DMD: variants seen among roughly 807,000 people sequenced by gnomAD.
DMD encodes mutant dystrophin.
Under a neutral mutation model 330.1 loss-of-function variants are expected in DMD, and 63 were observed. The observed-to-expected ratio is 0.19, with a 90% CI of 0.16 to 0.24. The LOEUF (loss-of-function observed/expected upper bound fraction) is 0.24, where lower values mean the gene tolerates loss of function less well. Ranked by LOEUF, DMD falls within the 10% of genes least tolerant of loss-of-function variation. DMD has a pLI of 1.00. For missense variants in DMD, 3,344 were observed against 2,684.1 expected (o/e 1.25, Z -5.43); for synonymous variants, 1,223 against 959.8 (o/e 1.27, Z -5.07).
chrX:32,588,413 A>C (rs1454351100), intron 13 of DMD, among the ~76,000 whole-genome samples: 1 of 111,995 alleles, frequency 8.9e-6, no homozygotes, highest in Admixed American at 9.5e-5. Context: ...TCGTCTGTTT[A>C]AACCCGGTGG....
At position 32,388,341 on chromosome X, in the gene DMD, CT is replaced by C. The variant is rs3044988; in HGVS notation, c.4518+1159del. Reference sequence around the variant, plus strand: ...AGGCACTTGGGTCATTTATGCTTTCCTTTTTTTTTTTTTTGGCAAAATTTAA... The same window carrying C: ...AGGCACTTGGGTCATTTATGCTTTCCTTTTTTTTTTTTTGGCAAAATTTAA... On this transcript the variant is annotated intron_variant, in intron 32 of 78. Transcript: ENST00000357033. Among the ~76,000 whole-genome samples the C allele has an allele frequency of 7.1e-3, 561 of 78,535 alleles. 17 individuals carry two copies. Among genetic ancestry groups the C allele is most frequent in the African/African-American group, 0.028 (490 of 17,561 alleles). The allele number at this position is 78,535 out of a possible 115,157, so 68.2% of individuals were successfully genotyped here.
intron 52 of DMD, among the ~76,000 whole-genome samples, chrX:31,706,645 G>T (rs1036359927): frequency 9.0e-6 from 1 of 111,531 alleles, no homozygotes; most frequent in Admixed American, 9.6e-5. Context: ...TAGTGCCAAT[G>T]GAAAATTCCA....
intron 11 of DMD, among the ~76,000 whole-genome samples, chrX:32,633,108 C>T (rs1010967384): frequency 8.9e-6 from 1 of 112,264 alleles, no homozygotes; most frequent in African/African-American, 3.2e-5. Flanking sequence ...GCACATGTAT[C>T]TCAGAACTTA....
At chrX:31,569,652 A>ATATACACGTATATACGTGTATATACG (rs1556698908) in intron 55 of DMD, among the ~76,000 whole-genome samples, 4 of 93,206 alleles carry the variant, frequency 4.3e-5, no homozygotes, top group Admixed American at 1.2e-4. Flanking sequence ...GTATATACGT[A>ATATACACGTATATACGTGTATATACG]TATATACGTA....
intron 2 of DMD, among the ~76,000 whole-genome samples, chrX:32,975,611 G>A (rs373806032): frequency 9.0e-6 from 1 of 110,683 alleles, no homozygotes; most frequent in Non-Finnish European, 1.9e-5. Context: ...CTGAGAGGAC[G>A]ACAGCTAGGG....
chrX:32,220,865 T>C (rs776353824), intron 43 of DMD, among the ~76,000 whole-genome samples: 12 of 111,128 alleles, frequency 1.1e-4, no homozygotes, highest in African/African-American at 3.9e-4. Flanking sequence ...AAAGTTTTTT[T>C]TCTTGGCAGT....
chrX:31,686,068 G>A, intron 52 of DMD, among the ~76,000 whole-genome samples: 1 of 111,849 alleles, frequency 8.9e-6, no homozygotes, highest in Non-Finnish European at 1.9e-5. Context: ...ATTGTTTAAA[G>A]GTCTGTTTCT....
At position 33,056,954 on chromosome X, in the gene DMD, T is replaced by C. The variant is rs1045270693; in HGVS notation, c.32-36754A>G. Among the ~76,000 whole-genome samples, 8 of 111,545 alleles carry C rather than the reference T, an allele frequency of 7.2e-5. 1 individual carries two copies. In the Middle Eastern group the frequency reaches 0.014, roughly 195 times the overall value. ...ATTTCTTCTTTCTCGTTCTCTGTTA[T>C]GAAAAAGCAAGCTCATGGCCCACGG... On this transcript the variant is annotated intron_variant, in intron 1 of 78. Transcript: ENST00000357033.
intron 47 of DMD, among the ~76,000 whole-genome samples, chrX:31,926,693 A>T (rs746405705): frequency 2.8e-4 from 31 of 111,549 alleles, no homozygotes; most frequent in East Asian, 2.0e-3. Context: ...AAATAAAAAA[A>T]AAAATAAAAT....
At chrX:33,230,980 C>G (rs757899068) in intron 1 of DMD, among the ~76,000 whole-genome samples, 1 of 109,855 alleles carries the variant, frequency 9.1e-6, no homozygotes, top group Non-Finnish European at 1.9e-5. Context: ...AAATAAATAA[C>G]AGTTGGAATC....
chrX:32,178,989 C>T lies in DMD; in HGVS notation c.6438+37927G>A, dbSNP rs12858409. ...CTCTCTCTCTCTCTCTCTCCCTCTC[C>T]TCCTGCTCCTCCTCCTCCTGCCTAC... On this transcript the variant is annotated intron_variant, in intron 44 of 78. Transcript: ENST00000357033. Among the ~76,000 whole-genome samples the T allele has an allele frequency of 1.9e-3, 196 of 100,823 alleles. 3 individuals are homozygous for T. Among genetic ancestry groups the T allele is most frequent in the Admixed American group, 4.8e-3 (42 of 8,665 alleles). 87.6% of individuals were successfully genotyped at this position (100,823 alleles called of 115,157 possible).
At position 32,561,344 on chromosome X, in the gene DMD, A is replaced by C. The variant is rs919552638; in HGVS notation, c.1992+4358T>G. Among the ~76,000 whole-genome samples, 7 of 111,500 alleles carry C rather than the reference A, an allele frequency of 6.3e-5. No homozygotes were observed. The Admixed American group carries it at 6.7e-4, about 11-fold the overall frequency. ...TGATAGAGCTGAGAAACGCAATACGACAACTCCACAATGAAATCACATTGT... is the reference window on the plus strand; with the variant it reads ...TGATAGAGCTGAGAAACGCAATACGCCAACTCCACAATGAAATCACATTGT... On this transcript the variant is annotated intron_variant, in intron 16 of 78. Coordinates refer to ENST00000357033, the MANE Select transcript of DMD (RefSeq NM_004006.3).
At chrX:32,317,295 CTAT>C (rs2097585845) in intron 41 of DMD, among the ~76,000 whole-genome samples, 1 of 111,382 alleles carries the variant, frequency 9.0e-6, no homozygotes, top group South Asian at 3.7e-4. Context: ...CATAAAATGC[CTAT>C]TTTTATTTAA....
intron 13 of DMD, among the ~76,000 whole-genome samples, chrX:32,587,238 G>T (rs1345318680): frequency 5.4e-5 from 6 of 111,483 alleles, no homozygotes; most frequent in Non-Finnish European, 1.1e-4. Flanking sequence ...TTTCCAAGTG[G>T]CTTTGTTATT....
chrX:31,354,055 C>T (rs1045973369), intron 60 of DMD, among the ~76,000 whole-genome samples: 7 of 111,832 alleles, frequency 6.3e-5, no homozygotes, highest in Non-Finnish European at 9.4e-5. Flanking sequence ...TCAGAACTAT[C>T]CCAGATGGGC....
intron 47 of DMD, among the ~76,000 whole-genome samples, chrX:31,909,011 TCTC>T (rs752303052): frequency 9.8e-5 from 11 of 112,515 alleles, no homozygotes; most frequent in Non-Finnish European, 1.9e-4. Flanking sequence ...CCTTAAATGA[TCTC>T]CACAACCTGC....
At position 32,719,478 on chromosome X, in the gene DMD, TAATTC is replaced by T. The variant is rs762324872; in HGVS notation, c.650-20190_650-20186del. Among the ~76,000 whole-genome samples, 105 of 111,839 alleles carry T rather than the reference TAATTC, an allele frequency of 9.4e-4. 1 individual carries two copies. Among genetic ancestry groups the T allele is most frequent in the African/African-American group, 3.2e-3 (99 of 30,883 alleles). The stretch of plus-strand genomic sequence containing the variant: ...ATGTTGCCAAGAAATCAGAGGCAAA[TAATTC>T]TATAACTTTGGGTCATTGTACTAAA... On this transcript the variant is annotated intron_variant, in intron 7 of 78. Transcript: ENST00000357033.
In DMD at chrX:32,917,228, C is replaced by T. The variant is rs1270100005; in HGVS notation, c.94-67408G>A. ...TGCCTTGCCTCCCCTTCACCTTCTG[C>T]CAAGATTGTCAGCGTCCTGAGGCCT... On this transcript the variant is annotated intron_variant, in intron 2 of 78. Coordinates refer to ENST00000357033, the MANE Select transcript of DMD (RefSeq NM_004006.3). Among the ~76,000 whole-genome samples the T allele has an allele frequency of 2.9e-5, 3 of 101,853 alleles. No homozygotes were observed. In the East Asian group the frequency reaches 1.1e-3, roughly 36 times the overall value. 88.4% of individuals were successfully genotyped at this position (101,853 alleles called of 115,157 possible). A position where few individuals can be genotyped will look rare whatever the true frequency, so the allele number is the denominator to read the frequency against.
chrX:33,107,320 C>A lies in DMD; in HGVS notation c.32-87120G>T, dbSNP rs1245141736. On this transcript the variant is annotated intron_variant, in intron 1 of 78. Transcript: ENST00000357033. ...AGAGCGAAGCTCTGTCCCCCCCCCC[C>A]CCCCAACACACACAAAAAAAACAGC... 6.5e-4 allele frequency among the ~76,000 whole-genome samples: 52 copies of A among 80,503 alleles called. 3 individuals are homozygous for A. The highest frequency in any genetic ancestry group is 2.0e-3 in the African/African-American group (45 of 23,027). 69.9% of individuals were successfully genotyped at this position (80,503 alleles called of 115,157 possible). A position where few individuals can be genotyped will look rare whatever the true frequency, so the allele number is the denominator to read the frequency against.
Sources: allele counts gnomAD v4.1 joint callset (sites outside exome capture counted in the v4.1 genomes callset), GRCh38; gene constraint gnomAD v4.1.1; transcripts MANE v1.5; gene names NCBI Gene and HGNC (gene_info 2026-07-23, HGNC 2026-07-21).